HIP1R: variants seen among roughly 807,000 people sequenced by gnomAD.
HIP1R encodes huntingtin-interacting protein 1-related protein.
In HIP1R, 135 loss-of-function variants were observed where a neutral mutation model predicts 144.2. The ratio of observed to expected loss-of-function variants is 0.94; its 90% CI spans 0.81 to 1.08. The LOEUF is 1.08. HIP1R is among the 50% of genes least tolerant of loss of function. The probability of loss-of-function intolerance (pLI) is 0.00; values close to 1 mark genes in which losing one functional copy is unlikely to be tolerated. For missense variants in HIP1R, 1,462 were observed against 1,432.8 expected (o/e 1.02, Z -0.33); for synonymous variants, 698 against 612.8 (o/e 1.14, Z -2.05).
At position 122,835,594 on chromosome 12, in the gene HIP1R, G is replaced by A. The variant is rs1566098164; in HGVS notation, c.44G>A (p.Arg15Lys). The change falls in exon 1 of 32, where the codon AGG becomes AAG. Residue 15 changes from arginine (R) to lysine (K), a missense_variant. Physicochemically the swap from Arg to Lys is conservative, Grantham distance 26. Coordinates refer to ENST00000253083, the MANE Select transcript of HIP1R (RefSeq NM_003959.3). ...GTGCCGGCGCGGGTGCTGAGCCGCA[G>A]GCCGGGCCACAGCCTGGAGGCCGAG... is the stretch of plus-strand genomic sequence containing the variant. The part of the protein sequence containing the change: ...KNVPARVLSR[R>K]PGHSLEAERE... 1 of 1,348,270 alleles carries A rather than the reference G, an allele frequency of 7.4e-7. No homozygotes were observed. Among genetic ancestry groups the A allele is most frequent in the Admixed American group, 2.7e-5 (1 of 36,492 alleles). The allele number at this position is 1,348,270 out of a possible 1,614,324, so 83.5% of individuals were successfully genotyped here.
chr12:122,860,935 G>A lies in HIP1R; in HGVS notation c.2786G>A (p.Ser929Asn), dbSNP rs1467667335. 6.2e-7 allele frequency: 1 copy of A among 1,612,256 alleles called. No individual in the cohort carries two copies. The highest frequency in any genetic ancestry group is 1.3e-5 in the African/African-American group (1 of 74,874). The change falls in exon 29 of 32, where the codon AGC becomes AAC. Residue 929 changes from serine to asparagine, a missense_variant. Physicochemically the swap from Ser to Asn is conservative, Grantham distance 46. Coordinates refer to ENST00000253083, the MANE Select transcript of HIP1R (RefSeq NM_003959.3). ...CCTCAGGTGAAGGCCAACAAGCACA[G>A]CCCCCACCTGAGCCGCCTGCAGGAA... ...AASKVKANKH[S>N]PHLSRLQECS...
Position 122,856,052 on chromosome 12 carries a change from C to T in HIP1R, c.1201C>T (p.Gln401Ter). 6.3e-7 allele frequency: 1 copy of T among 1,592,786 alleles called. No homozygotes were observed. Among genetic ancestry groups the T allele is most frequent in the Non-Finnish European group, 8.5e-7 (1 of 1,169,974 alleles). Reference sequence around the variant, plus strand: ...GGGTGAGCTGGAGGAGCAGCGGAAGCAGAAGCAGAAGGCCCTGGTGGATAA... The same window carrying T: ...GGGTGAGCTGGAGGAGCAGCGGAAGTAGAAGCAGAAGGCCCTGGTGGATAA... ...LEGELEEQRK[Q>*]KQKALVDNEQ... Residue 401 changes from glutamine (Q) to a stop codon, truncating the protein, a stop_gained, in exon 14 of 32, where the codon CAG becomes TAG. Coordinates refer to ENST00000253083, the MANE Select transcript of HIP1R (RefSeq NM_003959.3). LOFTEE classifies it high-confidence loss of function.
intron 5 of HIP1R, 153 bp downstream of exon 5, chr12:122,850,108 C>T (rs750210581): frequency 3.0e-5 from 21 of 710,106 alleles, no homozygotes; most frequent in African/African-American, 7.0e-5. Flanking sequence ...AAAGGGGAGA[C>T]GGGGAAGCCA....
Position 122,858,415 on chromosome 12 carries a change from A to T in HIP1R, c.2030A>T (p.Gln677Leu). 1 of 1,609,490 alleles carries T rather than the reference A, an allele frequency of 6.2e-7. No homozygotes were observed. ...AGCACCCTGGAGGAGGGCCACGCCC[A>T]GTACCTGACCTCCTTGGCAGGTGAG... ...AVSTLEEGHA[Q>L]YLTSLADASA... The change falls in exon 20 of 32, where the codon CAG (glutamine) becomes CTG (leucine). Residue 677 changes from glutamine to leucine, a missense_variant. Physicochemically the swap from Gln to Leu is moderately radical, Grantham distance 113. Coordinates refer to ENST00000253083, the MANE Select transcript of HIP1R (RefSeq NM_003959.3).
intron 1 of HIP1R, among the ~76,000 whole-genome samples, chr12:122,846,645 C>T (rs1041648599): frequency 6.6e-6 from 1 of 152,190 alleles, no homozygotes; most frequent in Non-Finnish European, 1.5e-5. Context: ...ACCGCAGCTC[C>T]TCCCCGACTA....
Position 122,836,079 on chromosome 12 carries a change from C to T in HIP1R, c.93+436C>T, listed in dbSNP as rs1183321684. Among the ~76,000 whole-genome samples the T allele has an allele frequency of 6.6e-6, 1 of 152,038 alleles. No individual in the cohort carries two copies. Among genetic ancestry groups the T allele is most frequent in the Non-Finnish European group, 1.5e-5 (1 of 67,958 alleles). On this transcript the variant is annotated intron_variant, in intron 1 of 31. Coordinates refer to ENST00000253083, the MANE Select transcript of HIP1R (RefSeq NM_003959.3). The surrounding 1 kb of genome is among the most constrained non-coding windows in gnomAD (Gnocchi z 4.1). ...GGGGCCGGCGCGGCCCGACTGGGGT[C>T]CCCGACCTTCCGTGCCGCTCCTTGC...
At position 122,856,156 on chromosome 12, in the gene HIP1R, G is replaced by A; in HGVS notation, c.1305G>A (p.Glu435=). Residue 435 remains glutamate, a synonymous_variant, in exon 14 of 32, where the codon GAG becomes GAA. Coordinates refer to ENST00000253083, the MANE Select transcript of HIP1R (RefSeq NM_003959.3). Reference sequence around the variant, plus strand: ...AGCGGAGCCAGGGCCTGCGTGAGGAGGCTGAGAGTACGTGGGGCCTTGGCC... The same window carrying A: ...AGCGGAGCCAGGGCCTGCGTGAGGAAGCTGAGAGTACGTGGGGCCTTGGCC... ...EGERSQGLRE[E]AERKASATEA... 6.2e-7 allele frequency: 1 copy of A among 1,603,004 alleles called. No homozygotes were observed. The highest frequency in any genetic ancestry group is 2.3e-5 in the East Asian group (1 of 44,350).
chr12:122,858,431 G>T lies in HIP1R; in HGVS notation c.2046G>T (p.Leu682Phe). ...GCCACGCCCAGTACCTGACCTCCTT[G>T]GCAGGTGAGTGTAGCCAGGGCAGGG... ...EEGHAQYLTSLADASALVAAL... is the reference protein window; with the variant it reads ...EEGHAQYLTSFADASALVAAL... The change falls in exon 20 of 32, where the codon TTG (leucine) becomes TTT (phenylalanine). Residue 682 changes from leucine to phenylalanine, a missense_variant. Leu to Phe is a conservative substitution (Grantham distance 22). Transcript: ENST00000253083. The T allele has an allele frequency of 6.2e-7, 1 of 1,604,792 alleles. No individual in the cohort carries two copies. The highest frequency in any genetic ancestry group is 1.1e-5 in the South Asian group (1 of 90,386).
At chr12:122,858,066 G>A (rs776773351) in intron 18 of HIP1R, 36 bp from the exon 19 acceptor site, 1 of 1,449,912 alleles carries the variant, frequency 6.9e-7, no homozygotes, top group Non-Finnish European at 9.1e-7. Flanking sequence ...GCCTTGGGGA[G>A]GATCTCTAAC....
At position 122,858,867 on chromosome 12, in the gene HIP1R, C is replaced by T. The variant is rs763062728; in HGVS notation, c.2080C>T (p.Arg694Cys). Reference sequence around the variant, plus strand: ...CTCCGCCCTGGTGGCAGCTCTGACCCGCTTCTCCCACCTGGCTGCGGATAC... The same window carrying T: ...CTCCGCCCTGGTGGCAGCTCTGACCTGCTTCTCCCACCTGGCTGCGGATAC... ...DASALVAALT[R>C]FSHLAADTII... is the part of the protein sequence containing the mutation. The change falls in exon 21 of 32, where the codon CGC (arginine) becomes TGC (cysteine). Residue 694 changes from arginine to cysteine, a missense_variant. Physicochemically the swap from Arg to Cys is radical, Grantham distance 180. Around this residue, in one of 2 missense-constraint regions of HIP1R, gnomAD observed 1,112 missense variants for 1,011.7 expected, o/e 1.10. Transcript: ENST00000253083. 68 of 1,613,166 alleles carry T rather than the reference C, an allele frequency of 4.2e-5. No individual in the cohort carries two copies. Among genetic ancestry groups the T allele is most frequent in the Non-Finnish European group, 5.3e-5 (62 of 1,180,018 alleles).
rs1246812523 is a variant in HIP1R, at chr12:122,860,769, G to C, written c.2751G>C (p.Leu917=). 6.2e-7 allele frequency: 1 copy of C among 1,612,586 alleles called. No individual in the cohort carries two copies. Among genetic ancestry groups the C allele is most frequent in the South Asian group, 1.1e-5 (1 of 91,030 alleles). ...SHEIAASTAQ[L]VAASKVKANK... ...AGATCGCAGCCAGCACGGCCCAGCT[G>C]GTGGCGGCCTCCAAGGTGAGCTTGC... The change falls in exon 28 of 32, where the codon CTG becomes CTC. Residue 917 remains leucine, a synonymous_variant. Coordinates refer to ENST00000253083, the MANE Select transcript of HIP1R (RefSeq NM_003959.3).
At position 122,859,094 on chromosome 12, in the gene HIP1R, G is replaced by C; in HGVS notation, c.2192G>C (p.Arg731Pro). Residue 731 changes from arginine (R) to proline (P), a missense_variant, in exon 22 of 32, where the codon CGG becomes CCG. By Grantham distance (103) the Arg-to-Pro change is moderately radical. This residue lies in a region of HIP1R where 1,112 missense variants were observed against 1,011.7 expected (regional missense o/e 1.10). Coordinates refer to ENST00000253083, the MANE Select transcript of HIP1R (RefSeq NM_003959.3). ...LIDTCRECGA[R>P]ALELMGQLQD... ...GACACCTGCAGGGAGTGCGGGGCCC[G>C]GGCTCTGGAGCTCATGGGGCAGCTG... 1.9e-6 allele frequency: 3 copies of C among 1,602,660 alleles called. No individual in the cohort carries two copies. The South Asian group carries it at 3.3e-5, about 18-fold the overall frequency.
At chr12:122,855,932 G>A in intron 13 of HIP1R, 29 bp downstream of exon 13, 1 of 1,565,646 alleles carries the variant, frequency 6.4e-7, no homozygotes, top group Non-Finnish European at 8.7e-7. Context: ...TGGGGGCCAG[G>A]GCCCCTCACG....
chr12:122,858,025 TG>T, intron 18 of HIP1R, 76 bp from the exon 19 acceptor site: 1 of 1,358,722 alleles, frequency 7.4e-7, no homozygotes, highest in Non-Finnish European at 9.9e-7. Flanking sequence ...TGGTGGCCCA[TG>T]GGTCATTCCA....
At chr12:122,835,180 A>T (rs1466062045), upstream of HIP1R, among the ~76,000 whole-genome samples, 2 of 48,820 alleles carry the variant, frequency 4.1e-5, no homozygotes, top group African/African-American at 1.7e-4. Flanking sequence ...CAACCTTGTG[A>T]GTGAGGTGGG....
chr12:122,848,197 CT>C (rs2033266624), intron 2 of HIP1R, 103 bp downstream of exon 2: 1 of 1,269,222 alleles, frequency 7.9e-7, no homozygotes, highest in East Asian at 2.4e-5. Context: ...CACAAGTTCC[CT>C]CACTGAGCCC....
chr12:122,847,985 GGGTGGCTGCCTGGGGCTCTAAACAC>G, intron 1 of HIP1R, 21 bp from the exon 2 acceptor site: 1 of 1,596,710 alleles, frequency 6.3e-7, no homozygotes, highest in Non-Finnish European at 8.6e-7. Flanking sequence ...GTGTCTCCTG[GGGTGGCTGCCTGGGGCTCTAAACAC>G]TGCTCCTTTG....
intron 1 of HIP1R, among the ~76,000 whole-genome samples, chr12:122,843,119 C>G (rs969041248): frequency 6.6e-6 from 1 of 152,200 alleles, no homozygotes; most frequent in African/African-American, 2.4e-5. Context: ...GTTAGCAGGC[C>G]CTTGGGGAGT....
At position 122,854,110 on chromosome 12, in the gene HIP1R, C is replaced by G. The variant is rs745973919; in HGVS notation, c.645C>G (p.Pro215=). The G allele has an allele frequency of 1.2e-6, 2 of 1,613,938 alleles. No individual in the cohort carries two copies. The highest frequency in any genetic ancestry group is 1.1e-5 in the South Asian group (1 of 91,088). The part of the protein sequence containing the change: ...QMSSGQCRLA[P]LIQVIQDCSH... ...CCTCAGGCCAGTGCCGCCTGGCCCC[C>G]CTCATCCAGGTCATCCAGGACTGCA... Residue 215 remains proline, a synonymous_variant, in exon 8 of 32, where the codon CCC becomes CCG. Transcript: ENST00000253083.
Sources: gnomAD v4.1 joint callset for allele counts (sites outside exome capture counted in the v4.1 genomes callset) on GRCh38, gnomAD v4.1.1 for gene constraint, gnomAD v4.1.1 regional missense constraint, Gnocchi (gnomAD v3.1) non-coding constraint, MANE v1.5 for transcripts, NCBI Gene and HGNC (gene_info 2026-07-23, HGNC 2026-07-21) for gene names.